KRT77: variants seen among roughly 807,000 people sequenced by gnomAD.
KRT77 encodes the protein keratin, type II cytoskeletal 1b.
KRT77 carries 44 observed loss-of-function variants against 51.5 expected under a neutral mutation model. The ratio of observed to expected loss-of-function variants is 0.85; its 90% CI spans 0.67 to 1.10. The LOEUF is 1.10. Among genes scored for constraint, KRT77 ranks in the 50% least tolerant of loss-of-function variants. The pLI is 0.00. For missense variants in KRT77, 763 were observed against 743.9 expected (o/e 1.03, Z -0.30); for synonymous variants, 293 against 302.0 (o/e 0.97, Z 0.31).
chr12:52,696,996 C>T (rs998836384), intron 2 of KRT77, among the ~76,000 whole-genome samples: 2 of 152,198 alleles, frequency 1.3e-5, no homozygotes, highest in South Asian at 2.1e-4. Context: ...GCTGCCTGCA[C>T]GGCTCAGGAG....
chr12:52,696,680 A>G, intron 2 of KRT77: 1 of 481,360 alleles, frequency 2.1e-6, no homozygotes. Flanking sequence ...AGCCACAGAG[A>G]AGGTCCCTGG....
intron 5 of KRT77, chr12:52,693,519 A>C (rs1565652398): frequency 6.6e-6 from 1 of 151,180 alleles, no homozygotes; most frequent in Non-Finnish European, 1.5e-5. Context: ...AACACTGTGC[A>C]GGACCGTGGG....
In KRT77 at chr12:52,697,881, G is replaced by C. The variant is rs770383634; in HGVS notation, c.559C>G (p.Gln187Glu). The stretch of plus-strand genomic sequence containing the variant: ...TTTGTTTGTAGCACCTGGTTCTGCT[G>C]CTCCAGGAATCGCACCTAAGAGCAA... The part of the protein sequence containing the change: ...SFIDKVRFLE[Q>E]QNQVLQTKWE... Residue 187 changes from glutamine to glutamate, a missense_variant, in exon 2 of 9, where the codon CAG becomes GAG. By Grantham distance (29) the Gln-to-Glu change is conservative. Coordinates refer to ENST00000341809, the MANE Select transcript of KRT77 (RefSeq NM_175078.3). The C allele has an allele frequency of 3.7e-6, 6 of 1,613,866 alleles. No homozygotes were observed. The highest frequency in any genetic ancestry group is 1.1e-5 in the South Asian group (1 of 91,066).
rs773387564 is a variant in KRT77, at chr12:52,690,877, C to T, written c.*288G>A. On this transcript the variant is annotated 3_prime_UTR_variant, in exon 9 of 9. Coordinates refer to ENST00000341809, the MANE Select transcript of KRT77 (RefSeq NM_175078.3). ...AATGTTTGTGCTCACCCTGGGCTAC[C>T]GATCTTCCAAAAAGGTGGGAGCAGG... 1.5e-5 allele frequency: 8 copies of T among 539,258 alleles called. No individual in the cohort carries two copies. Among genetic ancestry groups the T allele is most frequent in the Non-Finnish European group, 2.0e-5 (6 of 303,956 alleles). 33.4% of individuals were successfully genotyped at this position (539,258 alleles called of 1,614,324 possible).
intron 6 of KRT77, 35 bp downstream of exon 6, chr12:52,692,720 G>A: frequency 6.2e-7 from 1 of 1,602,004 alleles, no homozygotes; most frequent in East Asian, 2.2e-5. Context: ...AGGAGGTGCA[G>A]GGCTTGGTCA....
intron 2 of KRT77, among the ~76,000 whole-genome samples, chr12:52,697,136 A>G (rs1941805529): frequency 6.6e-6 from 1 of 152,256 alleles, no homozygotes; most frequent in South Asian, 2.1e-4. Context: ...CATTCAAACC[A>G]GCAGTTCTCA....
intron 2 of KRT77, 83 bp from the exon 3 acceptor site, chr12:52,696,513 G>A (rs1941796938): frequency 8.7e-7 from 1 of 1,154,150 alleles, no homozygotes; most frequent in Non-Finnish European, 1.3e-6. Context: ...AGAAAGCTTG[G>A]AATTCCCCAA....
In KRT77 at chr12:52,690,117, G is replaced by A. The variant is rs932890376; in HGVS notation, c.*1048C>T. On this transcript the variant is annotated 3_prime_UTR_variant, in exon 9 of 9. Coordinates refer to ENST00000341809, the MANE Select transcript of KRT77 (RefSeq NM_175078.3). ...GAGGCACCTGGATGGAACAGAGCTG[G>A]GCTTCACATGCCCACCCAATGGGGC... 31 of 152,226 alleles carry A rather than the reference G, an allele frequency of 2.0e-4. No individual in the cohort carries two copies. The highest frequency in any genetic ancestry group is 7.0e-4 in the African/African-American group (29 of 41,422). The allele number at this position is 152,226 out of a possible 1,614,324, so 9.4% of individuals were successfully genotyped here.
Position 52,702,193 on chromosome 12 carries a change from A to G in KRT77, c.543+699T>C, listed in dbSNP as rs148435204. Among the ~76,000 whole-genome samples the G allele has an allele frequency of 2.9e-3, 447 of 152,260 alleles. 1 individual carries two copies. The highest frequency in any genetic ancestry group is 0.01 in the African/African-American group (422 of 41,556). ...CCATGGCCCAGAGAGTACTACCCCT[A>G]TTGACACACTTCACATACACTGTAG... On this transcript the variant is annotated intron_variant, in intron 1 of 8. Transcript: ENST00000341809.
intron 1 of KRT77, among the ~76,000 whole-genome samples, chr12:52,700,446 A>C (rs1941870919): frequency 6.6e-6 from 1 of 151,802 alleles, no homozygotes; most frequent in South Asian, 2.1e-4. Context: ...AGACCCACAG[A>C]AGGTGAGGGA....
intron 1 of KRT77, among the ~76,000 whole-genome samples, chr12:52,700,642 C>T (rs564158120): frequency 6.6e-6 from 1 of 152,182 alleles, no homozygotes; most frequent in Non-Finnish European, 1.5e-5. Context: ...CCAGGCCTCA[C>T]TCTGCTTACT....
intron 1 of KRT77, among the ~76,000 whole-genome samples, chr12:52,702,662 C>T (rs1237383044): frequency 7.2e-5 from 11 of 151,886 alleles, no homozygotes; most frequent in Admixed American, 7.2e-4. Flanking sequence ...GAGGGTACTA[C>T]ACCATGTATC....
chr12:52,691,576 GA>G, intron 8 of KRT77, 137 bp from the exon 9 acceptor site: 2 of 1,042,390 alleles, frequency 1.9e-6, no homozygotes, highest in Non-Finnish European at 2.8e-6. Context: ...ATTGAAAATT[GA>G]AAGTGTTCCT....
intron 1 of KRT77, 87 bp from the exon 2 acceptor site, chr12:52,697,983 T>TC: frequency 6.9e-7 from 1 of 1,446,278 alleles, no homozygotes; most frequent in Non-Finnish European, 9.7e-7. Flanking sequence ...CCTCAACACA[T>TC]CCAGACCTCA....
At chr12:52,697,928 C>A in intron 1 of KRT77, 32 bp from the exon 2 acceptor site, 1 of 1,599,644 alleles carries the variant, frequency 6.3e-7, no homozygotes, top group Non-Finnish European at 8.6e-7. Flanking sequence ...CCACCCCAGG[C>A]CATGGATCAG....
intron 1 of KRT77, among the ~76,000 whole-genome samples, chr12:52,699,629 C>A (rs987545845): frequency 1.3e-5 from 2 of 152,246 alleles, no homozygotes; most frequent in African/African-American, 4.8e-5. Context: ...TGCACAGGGA[C>A]CTCCCAGTGC....
intron 8 of KRT77, 103 bp from the exon 9 acceptor site, chr12:52,691,542 G>A (rs1158449220): frequency 1.5e-6 from 2 of 1,346,164 alleles, no homozygotes; most frequent in Non-Finnish European, 2.0e-6. Context: ...GATCACCCGT[G>A]GCATCGACTT....
In KRT77 at chr12:52,692,833, CT is replaced by C. The variant is rs765065804; in HGVS notation, c.1127del (p.Lys376ArgfsTer24). 6.2e-7 allele frequency: 1 copy of C among 1,604,104 alleles called. No individual in the cohort carries two copies. The highest frequency in any genetic ancestry group is 1.1e-5 in the South Asian group (1 of 90,814). On this transcript the variant is annotated frameshift_variant, in exon 6 of 9. Transcript: ENST00000341809. LOFTEE classifies it high-confidence loss of function. ...GCTCTGCAATCTCCATCTTGCTGTT[CT>C]TCAGGTCGTCTCCATGTCTCCCTGC... ...ITAGRHGDDL[K>X]NSKMEIAELN...
chr12:52,695,773 G>A lies in KRT77; in HGVS notation c.914C>T (p.Thr305Met), dbSNP rs551108191. 2.3e-5 allele frequency: 37 copies of A among 1,607,036 alleles called. No individual in the cohort carries two copies. The highest frequency in any genetic ancestry group is 6.7e-5 in the East Asian group (3 of 44,844). Residue 305 changes from threonine (T) to methionine (M), a missense_variant and splice_region_variant, in exon 4 of 9, where the codon ACG (threonine) becomes ATG (methionine). Transcript: ENST00000341809. ...GGTTCTTATAAAGGCTTAACTCACC[G>A]TCAAAAATAAATATTTCAAGAAATT... ...EVNFLKYLFL[T>M]ELSQVQTHIS...
Sources: gnomAD v4.1 joint callset for allele counts (sites outside exome capture counted in the v4.1 genomes callset) on GRCh38, gnomAD v4.1.1 for gene constraint, MANE v1.5 for transcripts, NCBI Gene and HGNC (gene_info 2026-07-23, HGNC 2026-07-21) for gene names.